Variants in DCAF5 observed in about 807,000 individuals in gnomAD.
DCAF5 encodes the protein DDB1 and CUL4 associated factor 5.
In DCAF5, 9 loss-of-function variants were observed where a neutral mutation model predicts 80.7. That is an observed-to-expected ratio of 0.11 (90% CI 0.07 to 0.19). The LOEUF is 0.19. DCAF5 is among the 10% of genes least tolerant of loss of function. The pLI, the probability that DCAF5 is intolerant of heterozygous loss-of-function variation, is 1.00. For synonymous variants in DCAF5, 433 were observed against 461.9 expected (o/e 0.94, Z 0.80); for missense variants, 842 against 1,205.7 (o/e 0.70, Z 4.47).
intron 1 of DCAF5, among the ~76,000 whole-genome samples, chr14:69,127,020 C>T (rs1372566006): frequency 2.0e-5 from 3 of 152,198 alleles, no homozygotes; most frequent in African/African-American, 7.2e-5. Context: ...AACACGCAAT[C>T]TCATTCATTG....
chr14:69,133,597 C>G (rs1386333414), intron 1 of DCAF5, among the ~76,000 whole-genome samples: 3 of 152,126 alleles, frequency 2.0e-5, no homozygotes, highest in Non-Finnish European at 4.4e-5. Flanking sequence ...GGTGGTGTCA[C>G]ACAAATTTTG....
chr14:69,062,534 A>T (rs1054483480), intron 7 of DCAF5, 23 bp from the exon 8 acceptor site: 4 of 1,609,582 alleles, frequency 2.5e-6, no homozygotes, highest in Non-Finnish European at 3.4e-6. Flanking sequence ...AAGGAAACAA[A>T]AATCAGATGA....
intron 1 of DCAF5, among the ~76,000 whole-genome samples, chr14:69,145,375 A>G (rs1226522158): frequency 6.6e-6 from 1 of 152,188 alleles, no homozygotes; most frequent in East Asian, 1.9e-4. Context: ...AAAATATTTT[A>G]TTCACGTTAG....
Position 69,053,627 on chromosome 14 carries a change from T to C in DCAF5, c.*230A>G. The C allele has an allele frequency of 8.2e-6, 4 of 489,278 alleles. No individual in the cohort carries two copies. Among genetic ancestry groups the C allele is most frequent in the East Asian group, 3.9e-5 (1 of 25,922 alleles). 30.3% of individuals were successfully genotyped at this position (489,278 alleles called of 1,614,324 possible). A position where few individuals can be genotyped will look rare whatever the true frequency, so the allele number is the denominator to read the frequency against. ...TCACGTCTCACTAGAAAGGAGTCAC[T>C]TGGGTTATTTTTTTTTCCCCTTTCT... On this transcript the variant is annotated 3_prime_UTR_variant, in exon 9 of 9. Coordinates refer to ENST00000341516, the MANE Select transcript of DCAF5 (RefSeq NM_003861.3).
intron 5 of DCAF5, among the ~76,000 whole-genome samples, chr14:69,104,310 CAG>C (rs1342286626): frequency 2.0e-5 from 3 of 151,964 alleles, no homozygotes; most frequent in Admixed American, 1.3e-4. Context: ...TCAAAACAAA[CAG>C]AGAGATAACT....
chr14:69,150,905 G>A (rs1363910501), intron 1 of DCAF5, among the ~76,000 whole-genome samples: 4 of 151,942 alleles, frequency 2.6e-5, no homozygotes, highest in African/African-American at 7.3e-5. Context: ...AAATAAATAC[G>A]TAAATAAAGG....
At chr14:69,129,277 C>T (rs1191388920) in intron 1 of DCAF5, among the ~76,000 whole-genome samples, 1 of 152,160 alleles carries the variant, frequency 6.6e-6, no homozygotes, top group East Asian at 1.9e-4. Context: ...TCAAGGTTAG[C>T]ATCAGAAGAT....
At chr14:69,107,738 T>C (rs1009844594) in intron 5 of DCAF5, among the ~76,000 whole-genome samples, 6 of 152,196 alleles carry the variant, frequency 3.9e-5, no homozygotes, top group Admixed American at 2.6e-4. Flanking sequence ...TTTGGATTCA[T>C]GTCATTATAC....
At chr14:69,110,633 C>A (rs1315971983) in intron 5 of DCAF5, among the ~76,000 whole-genome samples, 2 of 151,852 alleles carry the variant, frequency 1.3e-5, no homozygotes, top group African/African-American at 4.8e-5. Flanking sequence ...CCTAGCACTT[C>A]GGTAGGATGA....
At chr14:69,061,297 C>A (rs1356098025) in intron 8 of DCAF5, among the ~76,000 whole-genome samples, 1 of 152,206 alleles carries the variant, frequency 6.6e-6, no homozygotes, top group African/African-American at 2.4e-5. Flanking sequence ...CAGGCAAAAT[C>A]GAGGTATTTT....
intron 6 of DCAF5, chr14:69,085,195 T>C (rs2039269604): frequency 5.5e-6 from 4 of 721,518 alleles, no homozygotes; most frequent in Non-Finnish European, 1.0e-5. Flanking sequence ...TAACTTAAAT[T>C]TGCCTCAAGT....
At chr14:69,066,544 A>C (rs1369299360) in intron 7 of DCAF5, among the ~76,000 whole-genome samples, 12 of 152,188 alleles carry the variant, frequency 7.9e-5, no homozygotes. Context: ...GACTATAACC[A>C]TATCTATTGC....
chr14:69,089,051 A>G (rs1289418508), intron 6 of DCAF5, among the ~76,000 whole-genome samples: 1 of 152,170 alleles, frequency 6.6e-6, no homozygotes, highest in African/African-American at 2.4e-5. Context: ...TATTTAATTC[A>G]TCCTCCTAAT....
At chr14:69,143,682 A>G (rs1053213599) in intron 1 of DCAF5, among the ~76,000 whole-genome samples, 12 of 150,790 alleles carry the variant, frequency 8.0e-5, no homozygotes, top group African/African-American at 2.9e-4. Flanking sequence ...AATGACAGTT[A>G]CATTTTGGGA....
intron 1 of DCAF5, among the ~76,000 whole-genome samples, chr14:69,129,710 G>A (rs987260992): frequency 2.6e-5 from 4 of 152,180 alleles, no homozygotes; most frequent in African/African-American, 9.6e-5. Context: ...TGAGAATGGG[G>A]TCAGCCTCAG....
chr14:69,116,422 C>T lies in DCAF5; in HGVS notation c.609G>A (p.Leu203=). ...VMFNPVEPRL[L]ATANSKEGVG... is the part of the protein sequence containing the mutation. ...CTCCTTCCTTTGAATTGGCTGTGGC[C>T]AACAACCTGGGCTCCACAGGGTTAA... The change falls in exon 5 of 9, where the codon TTG becomes TTA. Residue 203 remains leucine (L), a synonymous_variant. Coordinates refer to ENST00000341516, the MANE Select transcript of DCAF5 (RefSeq NM_003861.3). 1 of 1,613,548 alleles carries T rather than the reference C, an allele frequency of 6.2e-7. No individual in the cohort carries two copies. The highest frequency in any genetic ancestry group is 8.5e-7 in the Non-Finnish European group (1 of 1,179,620).
intron 7 of DCAF5, 74 bp downstream of exon 7, chr14:69,075,270 TC>T (rs34416347): frequency 1.7e-6 from 2 of 1,173,972 alleles, no homozygotes; most frequent in East Asian, 2.4e-5. Context: ...TAAAGATCTG[TC>T]CCCTCAGGGC....
At chr14:69,075,266 T>C (rs2038856483) in intron 7 of DCAF5, 79 bp downstream of exon 7, 2 of 1,111,460 alleles carry the variant, frequency 1.8e-6, no homozygotes, top group Non-Finnish European at 2.6e-6. Flanking sequence ...CTGCTAAAGA[T>C]CTGTCCCCTC....
chr14:69,083,942 A>C, intron 6 of DCAF5: 3 of 781,056 alleles, frequency 3.8e-6, no homozygotes, highest in Non-Finnish European at 7.1e-6. Flanking sequence ...TTGTCAATGA[A>C]AACACTCTGA....
Sources: allele counts gnomAD v4.1 joint callset (sites outside exome capture counted in the v4.1 genomes callset), GRCh38; gene constraint gnomAD v4.1.1; transcripts MANE v1.5; gene names NCBI Gene and HGNC (gene_info 2026-07-23, HGNC 2026-07-21).